Variants in LINGO2 observed in about 807,000 individuals in gnomAD.
LINGO2 encodes leucine-rich repeat and immunoglobulin-like domain-containing nogo receptor-interacting protein 2.
In LINGO2, 14 loss-of-function variants were observed where a neutral mutation model predicts 30.6. The ratio of observed to expected loss-of-function variants is 0.46; its 90% CI spans 0.30 to 0.72. The LOEUF (loss-of-function observed/expected upper bound fraction) is 0.72, where lower values mean the gene tolerates loss of function less well. LINGO2 is among the 30% of genes least tolerant of loss of function. The pLI is 0.07. For synonymous variants in LINGO2, 317 were observed against 288.5 expected (o/e 1.10, Z -1.00); for missense variants, 729 against 751.7 (o/e 0.97, Z 0.35).
At chr9:28,208,985 AT>A (rs1356975665) in intron 4 of LINGO2, among the ~76,000 whole-genome samples, 6 of 151,990 alleles carry the variant, frequency 3.9e-5, no homozygotes, top group Non-Finnish European at 8.8e-5. Context: ...TGTACAACCA[AT>A]TTAATGAAGT....
At chr9:29,099,239 G>T in the LINGO2 span, among the ~76,000 whole-genome samples, 2 of 152,148 alleles carry the variant, frequency 1.3e-5, no homozygotes, top group African/African-American at 4.8e-5. Flanking sequence ...AATCAAAATT[G>T]ATTAAAGACT....
the LINGO2 span, among the ~76,000 whole-genome samples, chr9:28,944,789 C>T: frequency 1.1e-3 from 163 of 151,828 alleles, no homozygotes; most frequent in African/African-American, 3.8e-3. Context: ...AGATGACATA[C>T]AAACAGTCAA....
At chr9:28,575,730 A>T (rs945131120) in intron 1 of LINGO2, among the ~76,000 whole-genome samples, 11 of 152,166 alleles carry the variant, frequency 7.2e-5, no homozygotes, top group African/African-American at 2.7e-4. Context: ...AAATCTTAAG[A>T]ATACAAATAC....
chr9:27,952,969 T>C (rs1482528666), intron 5 of LINGO2, among the ~76,000 whole-genome samples: 2 of 152,030 alleles, frequency 1.3e-5, no homozygotes, highest in African/African-American at 4.8e-5. Flanking sequence ...TTAAAACATA[T>C]GTAATAGATG....
rs1336710948 is a variant in LINGO2 at position 28,129,921 on chromosome 9, TG to T, written c.-86-117517del. On this transcript the variant is annotated intron_variant, in intron 4 of 5. Coordinates refer to ENST00000379992, the Ensembl canonical transcript of LINGO2. The surrounding 1 kb of genome is among the most constrained non-coding windows in gnomAD (Gnocchi z 4.0). ...TAGAATGAGAAATAACTAAGATCCG[TG>T]TTTTGAGCCAGAACATGTGAATCTT... 6.6e-6 allele frequency among the ~76,000 whole-genome samples: 1 copy of T among 152,218 alleles called. No individual in the cohort carries two copies. Among genetic ancestry groups the T allele is most frequent in the Non-Finnish European group, 1.5e-5 (1 of 68,042 alleles).
chr9:28,586,278 T>C (rs997816161), intron 1 of LINGO2, among the ~76,000 whole-genome samples: 7 of 152,184 alleles, frequency 4.6e-5, no homozygotes, highest in Admixed American at 1.3e-4. Context: ...CCACACATTC[T>C]TCTACAACAT....
chr9:29,092,398 C>G, the LINGO2 span, among the ~76,000 whole-genome samples: 3 of 151,812 alleles, frequency 2.0e-5, no homozygotes, highest in Admixed American at 2.0e-4. Context: ...TTCCCAGGTA[C>G]TCATAAAAAG....
the LINGO2 span, among the ~76,000 whole-genome samples, chr9:28,822,051 C>CCAGA: frequency 6.6e-6 from 1 of 152,048 alleles, no homozygotes; most frequent in Admixed American, 6.6e-5. Flanking sequence ...CAGAGCAAGC[C>CCAGA]CAGAGATACT....
At chr9:28,738,879 A>C in the LINGO2 span, among the ~76,000 whole-genome samples, 1 of 152,052 alleles carries the variant, frequency 6.6e-6, no homozygotes, top group Non-Finnish European at 1.5e-5. Flanking sequence ...GGTTTAAAAA[A>C]ATTAGTTAAT....
chr9:28,840,106 G>T, the LINGO2 span, among the ~76,000 whole-genome samples: 1 of 150,108 alleles, frequency 6.7e-6, no homozygotes, highest in African/African-American at 2.5e-5. Flanking sequence ...GGCAACAGGA[G>T]CAGGAACCTC....
chr9:28,397,881 T>G (rs766634791), intron 2 of LINGO2, among the ~76,000 whole-genome samples: 26 of 152,256 alleles, frequency 1.7e-4, no homozygotes, highest in Non-Finnish European at 3.1e-4. Context: ...CCCATCTAAC[T>G]GCAAATATGT....
At chr9:27,968,821 C>T (rs1820221709) in intron 5 of LINGO2, among the ~76,000 whole-genome samples, 2 of 151,490 alleles carry the variant, frequency 1.3e-5, no homozygotes, top group Admixed American at 6.6e-5. Context: ...CTTCTATTTT[C>T]CCTGTTATGG....
intron 5 of LINGO2, among the ~76,000 whole-genome samples, chr9:27,965,411 C>T (rs1452302869): frequency 2.0e-5 from 3 of 149,300 alleles, no homozygotes; most frequent in Admixed American, 2.0e-4. Flanking sequence ...GTAACGCTTC[C>T]TTTTAAAAAT....
At chr9:28,151,903 A>G (rs560330230) in intron 4 of LINGO2, among the ~76,000 whole-genome samples, 53 of 152,290 alleles carry the variant, frequency 3.5e-4, no homozygotes, top group African/African-American at 1.2e-3. Flanking sequence ...AACATTTTAA[A>G]GACACCAATA....
At chr9:28,431,201 T>C (rs1033646701) in intron 2 of LINGO2, among the ~76,000 whole-genome samples, 5 of 152,146 alleles carry the variant, frequency 3.3e-5, no homozygotes, top group Non-Finnish European at 7.4e-5. Context: ...ATAGAGAACA[T>C]AAATACTAGG....
At chr9:29,017,818 GTC>G in the LINGO2 span, among the ~76,000 whole-genome samples, 1 of 151,938 alleles carries the variant, frequency 6.6e-6, no homozygotes, top group Non-Finnish European at 1.5e-5. Context: ...GCATCCCTAA[GTC>G]TCTAGACTGA....
intron 1 of LINGO2, among the ~76,000 whole-genome samples, chr9:28,639,071 T>C (rs1162144851): frequency 1.3e-5 from 2 of 152,200 alleles, no homozygotes; most frequent in East Asian, 1.9e-4. Context: ...CTTCATTTCA[T>C]TATGTACCCA....
the LINGO2 span, among the ~76,000 whole-genome samples, chr9:28,703,447 C>CGG: frequency 5.9e-5 from 9 of 151,708 alleles, no homozygotes; most frequent in East Asian, 1.8e-3. Context: ...GTATTTCTAA[C>CGG]TTAATTTCAC....
the LINGO2 span, among the ~76,000 whole-genome samples, chr9:28,777,930 C>T: frequency 1.3e-5 from 2 of 152,094 alleles, no homozygotes; most frequent in Admixed American, 1.3e-4. Context: ...TCCCATAGTT[C>T]CTTCTGCCTT....
Sources: gnomAD v4.1 joint callset for allele counts (sites outside exome capture counted in the v4.1 genomes callset) on GRCh38, gnomAD v4.1.1 for gene constraint, Gnocchi (gnomAD v3.1) non-coding constraint, MANE v1.5 for transcripts, NCBI Gene and HGNC (gene_info 2026-07-23, HGNC 2026-07-21) for gene names.